The following MAP3K2 variants were observed in gnomAD, a reference collection of about 807,000 sequenced individuals.
MAP3K2 encodes MAP/ERK kinase kinase 2.
Under a neutral mutation model 80.3 loss-of-function variants are expected in MAP3K2, and 24 were observed. That is an observed-to-expected ratio of 0.30 (90% CI 0.22 to 0.42). The LOEUF (loss-of-function observed/expected upper bound fraction) is 0.42, where lower values mean the gene tolerates loss of function less well. MAP3K2 is among the 10% of genes least tolerant of loss of function. The pLI is 1.00. For synonymous variants in MAP3K2, 244 were observed against 253.7 expected, an observed-to-expected ratio of 0.96 and a Z score of 0.36; for missense variants, 608 against 750.1, an observed-to-expected ratio of 0.81 and a Z score of 2.21.
At chr2:127,341,455 A>AGTTCC (rs1686485573) in intron 2 of MAP3K2, among the ~76,000 whole-genome samples, 1 of 151,082 alleles carries the variant, frequency 6.6e-6, no homozygotes, top group Non-Finnish European at 1.5e-5. Context: ...GGCTTGAAGA[A>AGTTCC]TTACTACTGG....
chr2:127,313,651 A>C (rs1006377019), intron 15 of MAP3K2, among the ~76,000 whole-genome samples: 1 of 152,224 alleles, frequency 6.6e-6, no homozygotes, highest in Non-Finnish European at 1.5e-5. Flanking sequence ...ACAGTAATAC[A>C]TTGCTTAATG....
intron 12 of MAP3K2, 68 bp from the exon 13 acceptor site, chr2:127,318,385 G>A: frequency 8.1e-7 from 1 of 1,236,518 alleles, no homozygotes; most frequent in East Asian, 2.7e-5. Flanking sequence ...ATAACTAAAT[G>A]AGCATACTGC....
chr2:127,388,250 GGGTTGTCTCGA>G (rs1242798048), upstream of MAP3K2: 36 of 984,822 alleles, frequency 3.7e-5, no homozygotes, highest in Non-Finnish European at 4.3e-5. Context: ...ATACGCACCT[GGGTTGTCTCGA>G]GCCTGCGGTA....
At chr2:127,385,078 T>C (rs1687320311) in intron 1 of MAP3K2, among the ~76,000 whole-genome samples, 4 of 148,436 alleles carry the variant, frequency 2.7e-5, no homozygotes, top group Non-Finnish European at 6.0e-5. Flanking sequence ...GATAAGCAAT[T>C]AGTTGATGAA....
chr2:127,327,921 A>C (rs969216965), intron 7 of MAP3K2, among the ~76,000 whole-genome samples: 1 of 152,230 alleles, frequency 6.6e-6, no homozygotes, highest in Admixed American at 6.5e-5. Flanking sequence ...ATTTTAATTC[A>C]AAATATATTT....
At chr2:127,320,006 C>G (rs889310533) in intron 12 of MAP3K2, among the ~76,000 whole-genome samples, 1 of 152,154 alleles carries the variant, frequency 6.6e-6, no homozygotes, top group Non-Finnish European at 1.5e-5. Flanking sequence ...ATTGACTTAG[C>G]TCCTCACAGT....
intron 1 of MAP3K2, among the ~76,000 whole-genome samples, chr2:127,379,792 G>A (rs1254349464): frequency 1.3e-5 from 2 of 152,188 alleles, no homozygotes; most frequent in African/African-American, 4.8e-5. Flanking sequence ...TCTAGAGCCA[G>A]GCTGCCTGAG....
At chr2:127,368,789 C>A (rs77984298) in intron 1 of MAP3K2, among the ~76,000 whole-genome samples, 4 of 145,360 alleles carry the variant, frequency 2.8e-5, no homozygotes, top group African/African-American at 1.0e-4. Context: ...TTTTTTTTTT[C>A]TTTTTGAGAT....
intron 6 of MAP3K2, 97 bp from the exon 7 acceptor site, chr2:127,330,105 G>A: frequency 2.8e-6 from 2 of 726,992 alleles, no homozygotes; most frequent in Non-Finnish European, 4.7e-6. Flanking sequence ...TATATTGTTT[G>A]TGAGCCTTAA....
intron 6 of MAP3K2, 33 bp downstream of exon 6, chr2:127,330,359 A>G: frequency 9.2e-7 from 1 of 1,091,662 alleles, no homozygotes; most frequent in South Asian, 1.4e-5. Context: ...TAAGTCCTAT[A>G]ATTCTTACTG....
At position 127,351,877 on chromosome 2, in the gene MAP3K2, G is replaced by GT. The variant is rs546317178; in HGVS notation, c.-65-8684dup. 1.5e-3 allele frequency among the ~76,000 whole-genome samples: 222 copies of GT among 147,784 alleles called. 1 individual carries two copies. The highest frequency in any genetic ancestry group is 6.2e-3 in the South Asian group (29 of 4,666). Reference sequence around the variant, plus strand: ...ACTTCCCTACTTCTTGTTTTTTTGTGTTTTTTTTTTCTTTTTTGAGACAGG... The same window carrying GT: ...ACTTCCCTACTTCTTGTTTTTTTGTGTTTTTTTTTTTCTTTTTTGAGACAGG... On this transcript the variant is annotated intron_variant, in intron 1 of 16. Transcript: ENST00000682094.
rs770387528 is a variant in MAP3K2, at chr2:127,303,883, A to G, written c.*3696T>C. 1 of 152,168 alleles carries G rather than the reference A, an allele frequency of 6.6e-6. No individual in the cohort carries two copies. The highest frequency in any genetic ancestry group is 2.1e-4 in the South Asian group (1 of 4,834). 9.4% of individuals were successfully genotyped at this position (152,168 alleles called of 1,614,324 possible). A position where few individuals can be genotyped will look rare whatever the true frequency, so the allele number is the denominator to read the frequency against. On this transcript the variant is annotated 3_prime_UTR_variant, in exon 17 of 17. Coordinates refer to ENST00000682094, the MANE Select transcript of MAP3K2 (RefSeq NM_001371910.2). Reference sequence around the variant, plus strand: ...TTGGTCATCCTGCTAAACTATTCACATCTGATTTTATTTTCTAAGTGATTT... The same window carrying G: ...TTGGTCATCCTGCTAAACTATTCACGTCTGATTTTATTTTCTAAGTGATTT...
chr2:127,348,854 G>A (rs1686642632), intron 1 of MAP3K2, among the ~76,000 whole-genome samples: 1 of 152,122 alleles, frequency 6.6e-6, no homozygotes, highest in Non-Finnish European at 1.5e-5. Flanking sequence ...AACTGCCTCA[G>A]CTCCAGTCAA....
chr2:127,339,064 A>G lies in MAP3K2; in HGVS notation c.5-14T>C. On this transcript the variant is annotated splice_polypyrimidine_tract_variant and intron_variant, in intron 2 of 16. Coordinates refer to ENST00000682094, the MANE Select transcript of MAP3K2 (RefSeq NM_001371910.2). This position sits in a 1 kb window ranked among gnomAD's most constrained non-coding sequence, Gnocchi z 4.2. ...CTTGCTGATCATCTAGGTAGTTTTG[A>G]AACAACACATACATAGAATTGTAAT... The G allele has an allele frequency of 6.8e-7, 1 of 1,468,892 alleles. No homozygotes were observed. Among genetic ancestry groups the G allele is most frequent in the African/African-American group, 1.4e-5 (1 of 72,208 alleles). The allele number at this position is 1,468,892 out of a possible 1,614,324, so 91.0% of individuals were successfully genotyped here.
At chr2:127,378,399 C>T (rs559244064) in intron 1 of MAP3K2, among the ~76,000 whole-genome samples, 1 of 152,338 alleles carries the variant, frequency 6.6e-6, no homozygotes, top group East Asian at 1.9e-4. Context: ...TCTCCATTCT[C>T]TCCAACAAAT....
intron 1 of MAP3K2, among the ~76,000 whole-genome samples, chr2:127,356,230 C>T (rs1420396228): frequency 6.6e-6 from 1 of 152,104 alleles, no homozygotes; most frequent in Non-Finnish European, 1.5e-5. Context: ...CTTAATGGCA[C>T]CTAGAATGAT....
intron 7 of MAP3K2, among the ~76,000 whole-genome samples, chr2:127,327,638 A>G (rs552828355): frequency 1.3e-5 from 2 of 152,104 alleles, no homozygotes; most frequent in Non-Finnish European, 2.9e-5. Flanking sequence ...GCGTATGCCA[A>G]CGCACTCTTG....
chr2:127,375,642 T>C (rs771806141), intron 1 of MAP3K2, among the ~76,000 whole-genome samples: 34 of 152,014 alleles, frequency 2.2e-4, no homozygotes, highest in Non-Finnish European at 4.0e-4. Context: ...ACTCTTGACC[T>C]CGTGATCCAC....
chr2:127,371,899 G>A (rs1347446077), intron 1 of MAP3K2, among the ~76,000 whole-genome samples: 1 of 152,188 alleles, frequency 6.6e-6, no homozygotes, highest in Admixed American at 6.5e-5. Flanking sequence ...TAAGTAACCA[G>A]GCGGGAAACT....
Sources: gnomAD v4.1 joint callset for allele counts (sites outside exome capture counted in the v4.1 genomes callset) on GRCh38, gnomAD v4.1.1 for gene constraint, Gnocchi (gnomAD v3.1) non-coding constraint, MANE v1.5 for transcripts, NCBI Gene and HGNC (gene_info 2026-07-23, HGNC 2026-07-21) for gene names.